CFAP61: variants seen among roughly 807,000 people sequenced by gnomAD.
CFAP61 encodes the protein cilia and flagella associated protein 61.
CFAP61 carries 107 observed loss-of-function variants against 135.6 expected under a neutral mutation model. That is an observed-to-expected ratio of 0.79 (90% CI 0.67 to 0.93). CFAP61 has a LOEUF of 0.93. Ranked by LOEUF, CFAP61 falls within the 40% of genes least tolerant of loss-of-function variation. The pLI, the probability that CFAP61 is intolerant of heterozygous loss-of-function variation, is 0.00. For missense variants in CFAP61, 1,507 were observed against 1,556.2 expected (o/e 0.97, Z 0.53); for synonymous variants, 575 against 578.5 (o/e 0.99, Z 0.09).
At chr20:20,325,164 G>C (rs1466592913) in intron 25 of CFAP61, among the ~76,000 whole-genome samples, 1 of 152,102 alleles carries the variant, frequency 6.6e-6, no homozygotes, top group Non-Finnish European at 1.5e-5. Flanking sequence ...CACTTACACA[G>C]TTTCTACTAT....
intron 2 of CFAP61, among the ~76,000 whole-genome samples, chr20:20,060,069 CAG>C (rs1018698010): frequency 7.8e-5 from 6 of 77,296 alleles, no homozygotes; most frequent in South Asian, 4.1e-4. Flanking sequence ...TGAAAAATAA[CAG>C]AGGGGGAAAA....
At chr20:20,224,746 G>A (rs1316196817) in intron 17 of CFAP61, among the ~76,000 whole-genome samples, 1 of 152,142 alleles carries the variant, frequency 6.6e-6, no homozygotes, top group Non-Finnish European at 1.5e-5. Flanking sequence ...AATGCCATTA[G>A]AAAAATAGAA....
chr20:20,305,852 C>A (rs1013374861), intron 25 of CFAP61, among the ~76,000 whole-genome samples: 1 of 152,190 alleles, frequency 6.6e-6, no homozygotes, highest in Admixed American at 6.5e-5. Flanking sequence ...ATTGACCATG[C>A]CTTGGCCTTC....
chr20:20,164,941 C>T (rs977310154), intron 11 of CFAP61, among the ~76,000 whole-genome samples: 7 of 152,170 alleles, frequency 4.6e-5, no homozygotes, highest in African/African-American at 1.4e-4. Context: ...CCTTATAAAA[C>T]CATGAGATTT....
intron 2 of CFAP61, among the ~76,000 whole-genome samples, chr20:20,065,068 G>A (rs905279592): frequency 6.6e-6 from 1 of 152,156 alleles, no homozygotes. Context: ...AGGAAAGGAT[G>A]TGCCACTCAA....
intron 8 of CFAP61, among the ~76,000 whole-genome samples, chr20:20,131,639 T>G (rs2050534661): frequency 6.6e-6 from 1 of 151,978 alleles, no homozygotes; most frequent in Admixed American, 6.6e-5. Context: ...TTCTTTTCTT[T>G]CCTTTATTAG....
intron 18 of CFAP61, among the ~76,000 whole-genome samples, chr20:20,245,606 T>C (rs570979493): frequency 4.6e-5 from 7 of 152,276 alleles, no homozygotes; most frequent in African/African-American, 1.2e-4. Flanking sequence ...AGCCAAACTA[T>C]ATCAATGGTC....
At chr20:20,154,767 A>C (rs2052745065) in intron 9 of CFAP61, among the ~76,000 whole-genome samples, 1 of 152,218 alleles carries the variant, frequency 6.6e-6, no homozygotes, top group Non-Finnish European at 1.5e-5. Context: ...GCTGAAAGAC[A>C]TCACTGATGA....
intron 2 of CFAP61, among the ~76,000 whole-genome samples, chr20:20,067,121 C>G (rs2045332402): frequency 6.6e-6 from 1 of 150,878 alleles, no homozygotes; most frequent in East Asian, 1.9e-4. Context: ...TAAGTTTTGG[C>G]TATACTCGGA....
intron 21 of CFAP61, among the ~76,000 whole-genome samples, chr20:20,269,140 TATATATACAC>T (rs1389443243): frequency 1.2e-5 from 1 of 86,384 alleles, no homozygotes; most frequent in African/African-American, 3.8e-5. Flanking sequence ...TATATATATA[TATATATACAC>T]ACACACACAC....
At chr20:20,140,124 G>A (rs1360827867) in intron 8 of CFAP61, among the ~76,000 whole-genome samples, 2 of 101,824 alleles carry the variant, frequency 2.0e-5, no homozygotes, top group African/African-American at 3.6e-5. Context: ...TCTGGGTGCT[G>A]GAAATTTTTT....
chr20:20,235,332 C>T (rs190428484), intron 18 of CFAP61, among the ~76,000 whole-genome samples: 4 of 152,188 alleles, frequency 2.6e-5, no homozygotes, highest in South Asian at 2.1e-4. Flanking sequence ...CTCAAAGTGC[C>T]GTCCCTGGCC....
At chr20:20,200,670 G>C in intron 17 of CFAP61, 4 of 981,166 alleles carry the variant, frequency 4.1e-6, no homozygotes, top group Non-Finnish European at 3.6e-6. Flanking sequence ...GCTAACATTT[G>C]TCCTTTGTGA....
chr20:20,104,738 A>T (rs1568912711), intron 8 of CFAP61, among the ~76,000 whole-genome samples: 1 of 152,032 alleles, frequency 6.6e-6, no homozygotes, highest in Non-Finnish European at 1.5e-5. Context: ...ACAGAAATTG[A>T]TTTTCTCACA....
intron 25 of CFAP61, among the ~76,000 whole-genome samples, chr20:20,326,282 A>G (rs371552323): frequency 6.6e-6 from 1 of 150,944 alleles, no homozygotes; most frequent in Non-Finnish European, 1.5e-5. Flanking sequence ...TTGTCTTTTT[A>G]TTCACTTTTA....
chr20:20,195,994 T>A (rs141051205), intron 15 of CFAP61, among the ~76,000 whole-genome samples: 46 of 152,216 alleles, frequency 3.0e-4, no homozygotes, highest in African/African-American at 9.9e-4. Flanking sequence ...GGTGGGAGGA[T>A]CTCTTGAACC....
rs926098989 is a variant in CFAP61, at chr20:20,335,055, A to G, written c.3423-6776A>G. Among the ~76,000 whole-genome samples, 33 of 152,348 alleles carry G rather than the reference A, an allele frequency of 2.2e-4. No homozygotes were observed. The Middle Eastern group carries it at 0.01, about 47-fold the overall frequency. On this transcript the variant is annotated intron_variant, in intron 25 of 26. Transcript: ENST00000245957. ...ATCATAACCCTACCTGACAGTGTGAATGCAAATTGTGCCTGTTCTCTGCAG... is the reference window on the plus strand; with the variant it reads ...ATCATAACCCTACCTGACAGTGTGAGTGCAAATTGTGCCTGTTCTCTGCAG...
chr20:20,298,330 A>G lies in CFAP61; in HGVS notation c.3366A>G (p.Gln1122=). 3 of 1,614,032 alleles carry G rather than the reference A, an allele frequency of 1.9e-6. No individual in the cohort carries two copies. Among genetic ancestry groups the G allele is most frequent in the Non-Finnish European group, 2.5e-6 (3 of 1,179,998 alleles). ...NYIRLFGQHE[Q]LLNNLCARYD... is the part of the protein sequence containing the mutation. ...TCCGCTTGTTTGGCCAGCACGAGCAACTCCTCAACAACCTGTGTGCTCGGT... is the reference window on the plus strand; with the variant it reads ...TCCGCTTGTTTGGCCAGCACGAGCAGCTCCTCAACAACCTGTGTGCTCGGT... The change falls in exon 25 of 27, where the codon CAA becomes CAG. Residue 1122 remains glutamine, a synonymous_variant. Coordinates refer to ENST00000245957, the MANE Select transcript of CFAP61 (RefSeq NM_015585.4).
intron 26 of CFAP61, among the ~76,000 whole-genome samples, chr20:20,351,085 T>C (rs1476249873): frequency 6.6e-6 from 1 of 152,068 alleles, no homozygotes; most frequent in Non-Finnish European, 1.5e-5. Context: ...CTATTAAACA[T>C]AGGATCAGAA....
Sources: allele counts gnomAD v4.1 joint callset (sites outside exome capture counted in the v4.1 genomes callset), GRCh38; gene constraint gnomAD v4.1.1; transcripts MANE v1.5; gene names NCBI Gene and HGNC (gene_info 2026-07-23, HGNC 2026-07-21).